Variants in SLC26A6 observed in about 807,000 individuals in gnomAD.
The protein encoded by SLC26A6 is solute carrier family 26 member 6, also known as anion exchange transporter.
In SLC26A6, 67 loss-of-function variants were observed where a neutral mutation model predicts 87.1. That is an observed-to-expected ratio of 0.77 (90% confidence interval 0.63 to 0.94). The LOEUF is 0.94. Ranked by LOEUF, SLC26A6 falls within the 40% of genes least tolerant of loss-of-function variation. SLC26A6 has a pLI of 0.00. For missense variants in SLC26A6, 902 were observed against 973.0 expected, an observed-to-expected ratio of 0.93 and a Z score of 0.97; for synonymous variants, 414 against 405.9, an observed-to-expected ratio of 1.02 and a Z score of -0.24.
rs565653123 is a variant in SLC26A6, at chr3:48,631,909, T to C, written c.721A>G (p.Ser241Gly). Reference sequence around the variant, plus strand: ...ATGAGGGACAGTGGCCCAGAGTGGCTGCTCAGATGGAGGCCAAACACATAC... The same window carrying C: ...ATGAGGGACAGTGGCCCAGAGTGGCCGCTCAGATGGAGGCCAAACACATAC... ...LKYVFGLHLS[S>G]HSGPLSLIYT... Residue 241 changes from serine to glycine, a missense_variant, in exon 6 of 21, where the codon AGC becomes GGC. This residue lies in a region of SLC26A6 where 800 missense variants were observed against 856.8 expected (regional missense o/e 0.93). Transcript: ENST00000395550. 1.9e-6 allele frequency: 3 copies of C among 1,613,568 alleles called. No individual in the cohort carries two copies. In the East Asian group the frequency reaches 6.7e-5, roughly 36 times the overall value.
intron 8 of SLC26A6, 36 bp from the exon 9 acceptor site, chr3:48,631,176 T>C: frequency 1.2e-6 from 2 of 1,613,060 alleles, no homozygotes; most frequent in Non-Finnish European, 1.7e-6. Flanking sequence ...AGCAAGGTCC[T>C]GTCCTGGCTG....
rs776976527 is a variant in SLC26A6, at chr3:48,633,639, G to C, written c.24-4C>G. On this transcript the variant is annotated splice_polypyrimidine_tract_variant and splice_region_variant and intron_variant, in intron 1 of 20. Transcript: ENST00000395550. ...CAGTGCCTGTGTGTCCCTCGGTCTG[G>C]GGTGGCAAGACCAGAGAGACACAGT... 17 of 1,613,110 alleles carry C rather than the reference G, an allele frequency of 1.1e-5. No individual in the cohort carries two copies. Among genetic ancestry groups the C allele is most frequent in the Middle Eastern group, 1.7e-4 (1 of 6,056 alleles).
In SLC26A6 at chr3:48,628,094, A is replaced by C; in HGVS notation, c.1801-56T>G. 6.8e-7 allele frequency: 1 copy of C among 1,466,566 alleles called. No homozygotes were observed. The highest frequency in any genetic ancestry group is 9.2e-7 in the Non-Finnish European group (1 of 1,086,492). The allele number at this position is 1,466,566 out of a possible 1,614,324, so 90.8% of individuals were successfully genotyped here. On this transcript the variant is annotated intron_variant, in intron 16 of 20. Coordinates refer to ENST00000395550, the MANE Select transcript of SLC26A6 (RefSeq NM_022911.3). The surrounding 1 kb of genome is among the most constrained non-coding windows in gnomAD (Gnocchi z 4.4). Reference sequence around the variant, plus strand: ...AGCTAGCCCGGCTGCCATGACAGCCATGTCACATAGGCCTGGTGATGCCCC... The same window carrying C: ...AGCTAGCCCGGCTGCCATGACAGCCCTGTCACATAGGCCTGGTGATGCCCC...
chr3:48,626,273 T>C lies in SLC26A6; in HGVS notation c.2210A>G (p.Asp737Gly). ...GTGTTGGAGGGCAAAGGTGACAGCA[T>C]CATGGACAGAGGCAAAGAGATGCTT... is the stretch of plus-strand genomic sequence containing the variant. ...TKKHLFASVH[D>G]AVTFALQHPR... Residue 737 changes from aspartate to glycine, a missense_variant, in exon 20 of 21, where the codon GAT becomes GGT. Physicochemically the swap from Asp to Gly is moderately conservative, Grantham distance 94. Coordinates refer to ENST00000395550, the MANE Select transcript of SLC26A6 (RefSeq NM_022911.3). 6.2e-7 allele frequency: 1 copy of C among 1,613,906 alleles called. No individual in the cohort carries two copies. Among genetic ancestry groups the C allele is most frequent in the Non-Finnish European group, 8.5e-7 (1 of 1,179,972 alleles).
intron 1 of SLC26A6, chr3:48,633,952 G>T: frequency 9.5e-7 from 1 of 1,057,134 alleles, no homozygotes; most frequent in Non-Finnish European, 1.2e-6. Context: ...CAGGTCCCAG[G>T]CTGCTCCCTC....
At chr3:48,626,462 G>A in intron 19 of SLC26A6, 108 bp from the exon 20 acceptor site, 1 of 1,559,122 alleles carries the variant, frequency 6.4e-7, no homozygotes, top group Non-Finnish European at 8.8e-7. Flanking sequence ...CCACCCCTGA[G>A]GCTACAGCTG....
Position 48,633,509 on chromosome 3 carries a change from T to C in SLC26A6, c.150A>G (p.Ala50=). The change falls in exon 2 of 21, where the codon GCA becomes GCG. Residue 50 remains alanine (A), a synonymous_variant. Coordinates refer to ENST00000395550, the MANE Select transcript of SLC26A6 (RefSeq NM_022911.3). ...AGGTCCGCCACTGGTGGGTCCTAGG[T>C]GCTGAGCCCCAGCGCCCCAGCTCCT... ...HLEELGRWGS[A]PRTHQWRTWL... 1 of 1,613,262 alleles carries C rather than the reference T, an allele frequency of 6.2e-7. No homozygotes were observed. Among genetic ancestry groups the C allele is most frequent in the East Asian group, 2.2e-5 (1 of 44,882 alleles).
At position 48,628,824 on chromosome 3, in the gene SLC26A6, T is replaced by C. The variant is rs1263354841; in HGVS notation, c.1600-110A>G. 7 of 1,288,776 alleles carry C rather than the reference T, an allele frequency of 5.4e-6. No individual in the cohort carries two copies. The highest frequency in any genetic ancestry group is 2.0e-5 in the Admixed American group (1 of 50,196). 79.8% of individuals were successfully genotyped at this position (1,288,776 alleles called of 1,614,324 possible). ...CCCAGTGCCTGCCACCGCCCAGCCC[T>C]CTGCTCCCCAGGCTGCAGTCCAGGC... On this transcript the variant is annotated intron_variant, in intron 14 of 20. Coordinates refer to ENST00000395550, the MANE Select transcript of SLC26A6 (RefSeq NM_022911.3). The surrounding 1 kb of genome is among the most constrained non-coding windows in gnomAD (Gnocchi z 4.4).
At position 48,633,294 on chromosome 3, in the gene SLC26A6, G is replaced by A. The variant is rs1420249014; in HGVS notation, c.279C>T (p.Asp93=). Residue 93 remains aspartate, a synonymous_variant, in exon 3 of 21, where the codon GAC becomes GAT. Coordinates refer to ENST00000395550, the MANE Select transcript of SLC26A6 (RefSeq NM_022911.3). ...TGGCCACACTCAGGCCGGATAACAGGTCACCCAGGAGCCAGTCACGCACAG... is the reference window on the plus strand; with the variant it reads ...TGGCCACACTCAGGCCGGATAACAGATCACCCAGGAGCCAGTCACGCACAG... The part of the protein sequence containing the change: ...RYPVRDWLLG[D]LLSGLSVAIM... 6.2e-7 allele frequency: 1 copy of A among 1,613,498 alleles called. No homozygotes were observed. Among genetic ancestry groups the A allele is most frequent in the Admixed American group, 1.7e-5 (1 of 60,016 alleles).
At chr3:48,626,590 C>A (rs368786770) in intron 19 of SLC26A6, 41 bp downstream of exon 19, 5 of 1,613,614 alleles carry the variant, frequency 3.1e-6, no homozygotes, top group Non-Finnish European at 4.2e-6. Context: ...AAGTATCCTA[C>A]CCTCTTCCCA....
At position 48,626,804 on chromosome 3, in the gene SLC26A6, G is replaced by A. The variant is rs1433461614; in HGVS notation, c.2073+72C>T. 3.1e-6 allele frequency: 5 copies of A among 1,605,322 alleles called. No homozygotes were observed. The African/African-American group carries it at 6.7e-5, about 21-fold the overall frequency. The stretch of plus-strand genomic sequence containing the variant: ...TTGAGGGTTTGGGGAGTCAGAGGCT[G>A]GGAGTGCTCTCAGGGCAAATTACAG... On this transcript the variant is annotated intron_variant, in intron 18 of 20. Transcript: ENST00000395550.
intron 1 of SLC26A6, 55 bp downstream of exon 1, chr3:48,635,316 G>C (rs1346620861): frequency 2.0e-6 from 3 of 1,505,548 alleles, no homozygotes; most frequent in Non-Finnish European, 1.8e-6. Flanking sequence ...AGCGGAGAAT[G>C]CCTGCTCCAG....
chr3:48,628,113 A>G lies in SLC26A6; in HGVS notation c.1801-75T>C. The G allele has an allele frequency of 7.2e-7, 1 of 1,383,198 alleles. No homozygotes were observed. The allele number at this position is 1,383,198 out of a possible 1,614,324, so 85.7% of individuals were successfully genotyped here. A position where few individuals can be genotyped will look rare whatever the true frequency, so the allele number is the denominator to read the frequency against. On this transcript the variant is annotated intron_variant, in intron 16 of 20. Coordinates refer to ENST00000395550, the MANE Select transcript of SLC26A6 (RefSeq NM_022911.3). This position sits in a 1 kb window ranked among gnomAD's most constrained non-coding sequence, Gnocchi z 4.4. ...ACAGCCATGTCACATAGGCCTGGTG[A>G]TGCCCCCTGGTGCTGGGCAGGTGGG... is the stretch of plus-strand genomic sequence containing the variant.
chr3:48,630,715 C>A lies in SLC26A6; in HGVS notation c.1140G>T (p.Leu380=). ...HGYRVDSNQE[L]VALGLSNLIG... ...TAAGGTTACTGAGGCCCAGGGCCAC[C>A]AGCTCCTGACGGGGGACAGTACGGG... The change falls in exon 10 of 21, where the codon CTG becomes CTT. Residue 380 remains leucine (L), a synonymous_variant. Transcript: ENST00000395550. The A allele has an allele frequency of 6.3e-7, 1 of 1,597,104 alleles. No homozygotes were observed. The highest frequency in any genetic ancestry group is 2.3e-5 in the East Asian group (1 of 44,258).
chr3:48,630,004 G>C, intron 12 of SLC26A6, 26 bp from the exon 13 acceptor site: 1 of 1,614,000 alleles, frequency 6.2e-7, no homozygotes, highest in East Asian at 2.2e-5. Flanking sequence ...AGCGGTTGGA[G>C]GGCGGCGAGG....
At position 48,628,023 on chromosome 3, in the gene SLC26A6, C is replaced by A; in HGVS notation, c.1816G>T (p.Gly606Cys). The change falls in exon 17 of 21, where the codon GGC (glycine) becomes TGC (cysteine). Residue 606 changes from glycine (G) to cysteine (C), a missense_variant. Physicochemically the swap from Gly to Cys is radical, Grantham distance 159. This residue lies in a region of SLC26A6 where 800 missense variants were observed against 856.8 expected (regional missense o/e 0.93). Transcript: ENST00000395550. This position sits in a 1 kb window ranked among gnomAD's most constrained non-coding sequence, Gnocchi z 4.4. ...KLRKQAASPKGASVSINVNTS... is the reference protein window; with the variant it reads ...KLRKQAASPKCASVSINVNTS... The stretch of plus-strand genomic sequence containing the variant: ...TTGACATTAATGGAAACTGAGGCGC[C>A]CTTGGGGGAGGCAGCCTACACCAGG... The A allele has an allele frequency of 6.3e-7, 1 of 1,580,800 alleles. No homozygotes were observed. Among genetic ancestry groups the A allele is most frequent in the Non-Finnish European group, 8.6e-7 (1 of 1,168,864 alleles).
chr3:48,633,182 G>A (rs2046858567), intron 3 of SLC26A6, 69 bp downstream of exon 3: 1 of 1,590,566 alleles, frequency 6.3e-7, no homozygotes, highest in South Asian at 1.1e-5. Flanking sequence ...CCAAGGTAGA[G>A]GTCATGGCCC....
Position 48,631,726 on chromosome 3 carries a change from C to A in SLC26A6, c.826G>T (p.Val276Leu). The A allele has an allele frequency of 6.2e-7, 1 of 1,613,380 alleles. No individual in the cohort carries two copies. Among genetic ancestry groups the A allele is most frequent in the Non-Finnish European group, 8.5e-7 (1 of 1,180,020 alleles). Residue 276 changes from valine (V) to leucine (L), a missense_variant, in exon 7 of 21, where the codon GTG (valine) becomes TTG (leucine). Physicochemically the swap from Val to Leu is conservative, Grantham distance 32. Around this residue, in one of 3 missense-constraint regions of SLC26A6, gnomAD observed 800 missense variants for 856.8 expected, o/e 0.93. Transcript: ENST00000395550. ...TTCAACAGCTTCACCACCACGAGCA[C>A]CACCCCAGCCACAGCTGCAGTGACC... ...TVVTAAVAGV[V>L]LVVVKLLNDK...
At position 48,631,631 on chromosome 3, in the gene SLC26A6, A is replaced by G. The variant is rs751527310; in HGVS notation, c.903+18T>C. 1.6e-5 allele frequency: 25 copies of G among 1,607,910 alleles called. No homozygotes were observed. In the African/African-American group the frequency reaches 2.8e-4, roughly 18 times the overall value. On this transcript the variant is annotated intron_variant, in intron 7 of 20. Transcript: ENST00000395550. ...GACCTGCCCTTCTCCCCTGCCCTCC[A>G]CTCCCTGGCCCTCGAACCGTGAGCA...
Sources: gnomAD v4.1 joint callset for allele counts on GRCh38, gnomAD v4.1.1 for gene constraint, gnomAD v4.1.1 regional missense constraint, Gnocchi (gnomAD v3.1) non-coding constraint, MANE v1.5 for transcripts, NCBI Gene and HGNC (gene_info 2026-07-23, HGNC 2026-07-21) for gene names.